The following PCDHGA2 variants were observed in gnomAD, a reference collection of about 807,000 sequenced individuals.
PCDHGA2 encodes protocadherin gamma subfamily A, 2, also known as protocadherin gamma-A2.
A neutral mutation model predicts 59.2 loss-of-function variants in PCDHGA2; 40 were observed. The observed-to-expected ratio is 0.68, with a 90% CI of 0.52 to 0.88. PCDHGA2 has a LOEUF of 0.88. PCDHGA2 is among the 40% of genes least tolerant of loss of function. The pLI, the probability that PCDHGA2 is intolerant of heterozygous loss-of-function variation, is 0.00. For missense variants in PCDHGA2, 1,226 were observed against 1,204.0 expected, an observed-to-expected ratio of 1.02 and a Z score of -0.27; for synonymous variants, 560 against 526.0, an observed-to-expected ratio of 1.06 and a Z score of -0.89.
rs1196083589 is a variant in PCDHGA2, at chr5:141,486,525, A to G, written c.2425-8282A>G. On this transcript the variant is annotated intron_variant, in intron 1 of 3. Coordinates refer to ENST00000394576, the MANE Select transcript of PCDHGA2 (RefSeq NM_018915.4). This position sits in a 1 kb window ranked among gnomAD's most constrained non-coding sequence, Gnocchi z 5.0. ...CTCAATATTTCAGATGTGAATGATA[A>G]TCCACCCTCTTTCTTTCAGAGGTCA... 1 of 1,614,158 alleles carries G rather than the reference A, an allele frequency of 6.2e-7. No individual in the cohort carries two copies. Among genetic ancestry groups the G allele is most frequent in the African/African-American group, 1.3e-5 (1 of 75,054 alleles).
chr5:141,414,726 C>G (rs761022941), intron 1 of PCDHGA2: 5 of 1,614,196 alleles, frequency 3.1e-6, no homozygotes, highest in Non-Finnish European at 4.2e-6. Context: ...ACACTGGCGT[C>G]CTGTATGCAC....
chr5:141,486,730 T>G lies in PCDHGA2; in HGVS notation c.2425-8077T>G, dbSNP rs775081505. On this transcript the variant is annotated intron_variant, in intron 1 of 3. Coordinates refer to ENST00000394576, the MANE Select transcript of PCDHGA2 (RefSeq NM_018915.4). This position sits in a 1 kb window ranked among gnomAD's most constrained non-coding sequence, Gnocchi z 5.0. ...ACCCCCAGACAGGAGCTGTTCATGC[T>G]ACTCGATCCTTTGACTATGAGCAAA... is the stretch of plus-strand genomic sequence containing the variant. 6.2e-7 allele frequency: 1 copy of G among 1,614,238 alleles called. No individual in the cohort carries two copies. The highest frequency in any genetic ancestry group is 8.5e-7 in the Non-Finnish European group (1 of 1,180,042).
intron 1 of PCDHGA2, among the ~76,000 whole-genome samples, chr5:141,359,356 A>G (rs1412522225): frequency 1.3e-5 from 2 of 152,160 alleles, no homozygotes; most frequent in Non-Finnish European, 2.9e-5. Flanking sequence ...CATGTTTTAA[A>G]GGCCTAGGAA....
rs1244580814 is a variant in PCDHGA2 at position 141,339,759 on chromosome 5, C to T, written c.788C>T (p.Thr263Met). ...ENTLVGTRIL[T>M]VTATDADEGY... ...ACGCTCGTGGGCACCCGGATACTCA[C>T]GGTGACCGCCACTGACGCAGATGAG... Residue 263 changes from threonine to methionine, a missense_variant, in exon 1 of 4, where the codon ACG (threonine) becomes ATG (methionine). Physicochemically the swap from Thr to Met is moderately conservative, Grantham distance 81. Transcript: ENST00000394576. 3.1e-6 allele frequency: 5 copies of T among 1,614,002 alleles called. No homozygotes were observed. In the African/African-American group the frequency reaches 6.7e-5, roughly 22 times the overall value.
intron 1 of PCDHGA2, chr5:141,418,983 A>T: frequency 6.2e-7 from 1 of 1,613,900 alleles, no homozygotes; most frequent in Admixed American, 1.7e-5. Context: ...CGGGACCAAG[A>T]CTCAGGGGAA....
At chr5:141,471,892 T>C (rs1429425311) in intron 1 of PCDHGA2, among the ~76,000 whole-genome samples, 1 of 152,166 alleles carries the variant, frequency 6.6e-6, no homozygotes, top group Admixed American at 6.6e-5. Context: ...GCTAGGAAGA[T>C]TGACTACAGA....
intron 2 of PCDHGA2, among the ~76,000 whole-genome samples, chr5:141,495,700 T>A (rs2099763052): frequency 6.6e-6 from 1 of 152,228 alleles, no homozygotes; most frequent in Non-Finnish European, 1.5e-5. Flanking sequence ...GCTCAATAAA[T>A]GTGGAGTGAG....
chr5:141,355,848 T>C (rs1760013605), intron 1 of PCDHGA2: 1 of 1,612,486 alleles, frequency 6.2e-7, no homozygotes, highest in Non-Finnish European at 8.5e-7. Flanking sequence ...CGGCCTTCGA[T>C]GGAGGTGACC....
Position 141,432,097 on chromosome 5 carries a change from C to G in PCDHGA2, c.2425-62710C>G. ...TCTCGCTGAACGTGGCAGACACCAA[C>G]GACAACCCGCCGGTCTTCCCTCAGG... On this transcript the variant is annotated intron_variant, in intron 1 of 3. Transcript: ENST00000394576. This position sits in a 1 kb window ranked among gnomAD's most constrained non-coding sequence, Gnocchi z 6.0. The G allele has an allele frequency of 6.2e-7, 1 of 1,614,184 alleles. No homozygotes were observed.
At chr5:141,356,419 C>T (rs1282680268) in intron 1 of PCDHGA2, 1 of 1,604,760 alleles carries the variant, frequency 6.2e-7, no homozygotes, top group Non-Finnish European at 8.5e-7. Flanking sequence ...GTTGTTGACA[C>T]ACAGAACACT....
At chr5:141,362,406 C>T in intron 1 of PCDHGA2, 1 of 1,614,032 alleles carries the variant, frequency 6.2e-7, no homozygotes, top group South Asian at 1.1e-5. Context: ...TGTGTGTTGC[C>T]TCACAATCAG....
chr5:141,503,616 A>G (rs1260134621), intron 2 of PCDHGA2, among the ~76,000 whole-genome samples: 2 of 150,944 alleles, frequency 1.3e-5, no homozygotes, highest in African/African-American at 2.4e-5. Context: ...AAAAAAAAAG[A>G]AAAAAGAAAA....
Position 141,356,972 on chromosome 5 carries a change from T to C in PCDHGA2, c.2424+15577T>C, listed in dbSNP as rs1169153458. 1.2e-6 allele frequency: 2 copies of C among 1,614,222 alleles called. No homozygotes were observed. Among genetic ancestry groups the C allele is most frequent in the Non-Finnish European group, 1.7e-6 (2 of 1,180,044 alleles). On this transcript the variant is annotated intron_variant, in intron 1 of 3. Coordinates refer to ENST00000394576, the MANE Select transcript of PCDHGA2 (RefSeq NM_018915.4). ...GATTCCGGCTACCTGGTGACCAAAGTGGTGGCAGTGGACAGAGACTCAGGT... is the reference window on the plus strand; with the variant it reads ...GATTCCGGCTACCTGGTGACCAAAGCGGTGGCAGTGGACAGAGACTCAGGT...
chr5:141,371,325 G>A (rs1335421404), intron 1 of PCDHGA2: 2 of 1,613,966 alleles, frequency 1.2e-6, no homozygotes, highest in Non-Finnish European at 8.5e-7. Context: ...GGACTTTGAA[G>A]AGAGAGATAG....
At chr5:141,366,835 A>C (rs1011938968) in intron 1 of PCDHGA2, 2 of 1,511,404 alleles carry the variant, frequency 1.3e-6, no homozygotes, top group Non-Finnish European at 1.8e-6. Flanking sequence ...AGAATCAGCT[A>C]GTTATGTAAA....
intron 1 of PCDHGA2, chr5:141,384,094 G>T: frequency 6.3e-7 from 1 of 1,596,384 alleles, no homozygotes. Flanking sequence ...AAAATCAATA[G>T]ATAATTATTA....
intron 1 of PCDHGA2, chr5:141,399,398 G>A (rs1374441258): frequency 6.2e-7 from 1 of 1,613,972 alleles, no homozygotes; most frequent in Non-Finnish European, 8.5e-7. Flanking sequence ...ACAGACAGGG[G>A]CAAGCCGCCC....
chr5:141,489,254 C>T lies in PCDHGA2; in HGVS notation c.2425-5553C>T, dbSNP rs2099684538. 2 of 1,548,628 alleles carry T rather than the reference C, an allele frequency of 1.3e-6. No homozygotes were observed. Among genetic ancestry groups the T allele is most frequent in the African/African-American group, 1.4e-5 (1 of 73,008 alleles). ...GACTTCTGGGTCATGGGGCCCAAGA[C>T]ACTCCCACAGCTCGCTGGGAAATGG... is the stretch of plus-strand genomic sequence containing the variant. On this transcript the variant is annotated intron_variant, in intron 1 of 3. Transcript: ENST00000394576. This position sits in a 1 kb window ranked among gnomAD's most constrained non-coding sequence, Gnocchi z 4.5.
intron 1 of PCDHGA2, among the ~76,000 whole-genome samples, chr5:141,358,148 A>G (rs1760835036): frequency 6.6e-6 from 1 of 152,192 alleles, no homozygotes; most frequent in African/African-American, 2.4e-5. Flanking sequence ...TGAGATCATG[A>G]CACTGTACTC....
Sources: allele counts gnomAD v4.1 joint callset (sites outside exome capture counted in the v4.1 genomes callset), GRCh38; gene constraint gnomAD v4.1.1; non-coding constraint Gnocchi (gnomAD v3.1); transcripts MANE v1.5; gene names NCBI Gene and HGNC (gene_info 2026-07-23, HGNC 2026-07-21).